RBFOX1: variants seen among roughly 807,000 people sequenced by gnomAD.
RBFOX1 encodes the protein RNA binding protein fox-1 homolog 1.
RBFOX1 carries 8 observed loss-of-function variants against 57.7 expected under a neutral mutation model. The observed-to-expected ratio is 0.14, with a 90% confidence interval of 0.08 to 0.25. The LOEUF (loss-of-function observed/expected upper bound fraction) is 0.25. Among genes scored for constraint, RBFOX1 ranks in the 10% least tolerant of loss-of-function variants. RBFOX1 has a pLI of 1.00. For missense variants in RBFOX1, 611 were observed against 548.5 expected (o/e 1.11, Z -1.14); for synonymous variants, 326 against 222.4 (o/e 1.47, Z -4.15).
chr16:6,858,675 C>G (rs1012765190), intron 3 of RBFOX1, among the ~76,000 whole-genome samples: 7 of 152,034 alleles, frequency 4.6e-5, no homozygotes, highest in African/African-American at 1.2e-4. Context: ...AAAATAGAAA[C>G]AATAATTTTA....
intron 2 of RBFOX1, among the ~76,000 whole-genome samples, chr16:5,570,527 C>G (rs1473386500): frequency 6.6e-6 from 1 of 152,112 alleles, no homozygotes; most frequent in Non-Finnish European, 1.5e-5. Context: ...CTCTGATGCA[C>G]AAACGAATCT....
chr16:6,272,609 C>T, intron 1 of RBFOX1, among the ~76,000 whole-genome samples: 1 of 152,100 alleles, frequency 6.6e-6, no homozygotes. Context: ...AATGAAAGTG[C>T]CATGAAATTT....
At chr16:7,095,745 G>C (rs2061583565) in intron 4 of RBFOX1, among the ~76,000 whole-genome samples, 1 of 152,144 alleles carries the variant, frequency 6.6e-6, no homozygotes, top group Admixed American at 6.5e-5. Flanking sequence ...ATATGGAGCT[G>C]GGCATGGTGG....
intron 1 of RBFOX1, among the ~76,000 whole-genome samples, chr16:6,098,466 C>G (rs955655046): frequency 1.3e-5 from 2 of 152,188 alleles, no homozygotes; most frequent in African/African-American, 4.8e-5. Flanking sequence ...CCTCGGGAGG[C>G]CCAGGTTCAA....
intron 5 of RBFOX1, among the ~76,000 whole-genome samples, chr16:7,537,465 C>T (rs1567720504): frequency 6.6e-6 from 1 of 152,184 alleles, no homozygotes; most frequent in South Asian, 2.1e-4. Context: ...GAGGTCATAG[C>T]TGAACAAGTC....
intron 4 of RBFOX1, among the ~76,000 whole-genome samples, chr16:7,210,444 G>C (rs565359911): frequency 6.6e-6 from 1 of 151,960 alleles, no homozygotes; most frequent in Non-Finnish European, 1.5e-5. Flanking sequence ...CACTCACCAA[G>C]ATTTCTTAAG....
intron 2 of RBFOX1, among the ~76,000 whole-genome samples, chr16:5,539,903 T>A (rs2044862341): frequency 6.6e-6 from 1 of 152,220 alleles, no homozygotes; most frequent in South Asian, 2.1e-4. Flanking sequence ...ATTTAAGAGG[T>A]AAACAAGTAT....
intron 2 of RBFOX1, among the ~76,000 whole-genome samples, chr16:6,599,314 G>T (rs1291238678): frequency 1.3e-5 from 2 of 152,280 alleles, no homozygotes; most frequent in East Asian, 3.9e-4. Context: ...TAAATTTGCA[G>T]TCAGCCAGGG....
At chr16:7,300,820 T>C (rs1424413883) in intron 4 of RBFOX1, among the ~76,000 whole-genome samples, 1 of 152,240 alleles carries the variant, frequency 6.6e-6, no homozygotes, top group African/African-American at 2.4e-5. Flanking sequence ...CATTTGAAGA[T>C]GACATTATTG....
At chr16:5,689,043 A>G (rs1423396963) in intron 3 of RBFOX1, among the ~76,000 whole-genome samples, 3 of 152,224 alleles carry the variant, frequency 2.0e-5, no homozygotes, top group African/African-American at 7.2e-5. Context: ...TTATTTTGAC[A>G]TCTTGTGTCA....
chr16:5,576,606 TAGG>T (rs570415554), intron 2 of RBFOX1, among the ~76,000 whole-genome samples: 98 of 152,364 alleles, frequency 6.4e-4, no homozygotes, highest in African/African-American at 2.3e-3. Context: ...TAACGGGAAC[TAGG>T]AGAAGTGCCA....
At chr16:5,712,153 C>T (rs1476205322) in intron 3 of RBFOX1, among the ~76,000 whole-genome samples, 1 of 152,174 alleles carries the variant, frequency 6.6e-6, no homozygotes, top group African/African-American at 2.4e-5. Flanking sequence ...ATGAGAGCAG[C>T]ATAGGCGAAA....
intron 1 of RBFOX1, among the ~76,000 whole-genome samples, chr16:6,311,855 G>A (rs2080355677): frequency 6.6e-6 from 1 of 152,064 alleles, no homozygotes; most frequent in Admixed American, 6.6e-5. Flanking sequence ...AGGTGTGATG[G>A]GCACTAACCT....
chr16:6,923,005 C>A (rs1170489646), intron 3 of RBFOX1, among the ~76,000 whole-genome samples: 2 of 152,166 alleles, frequency 1.3e-5, no homozygotes, highest in Admixed American at 1.3e-4. Flanking sequence ...ACTTATAAAT[C>A]TATAGGCAGT....
chr16:7,394,769 C>T (rs1436978301), intron 4 of RBFOX1, among the ~76,000 whole-genome samples: 1 of 152,154 alleles, frequency 6.6e-6, no homozygotes, highest in Non-Finnish European at 1.5e-5. Flanking sequence ...CCAGGCAAGT[C>T]ACTCTTTTTT....
intron 2 of RBFOX1, among the ~76,000 whole-genome samples, chr16:6,344,470 G>A (rs1417766907): frequency 9.5e-5 from 12 of 126,048 alleles, no homozygotes; most frequent in Admixed American, 3.7e-4. Flanking sequence ...CAATCTCAGC[G>A]CACTGCATGC....
intron 3 of RBFOX1, among the ~76,000 whole-genome samples, chr16:6,834,231 G>T (rs534826093): frequency 6.6e-6 from 1 of 151,768 alleles, no homozygotes; most frequent in South Asian, 2.1e-4. Context: ...CCGCTAGCAC[G>T]CCCCATTAGT....
intron 4 of RBFOX1, among the ~76,000 whole-genome samples, chr16:7,376,983 C>G (rs1038639991): frequency 1.3e-5 from 2 of 152,090 alleles, no homozygotes; most frequent in African/African-American, 4.8e-5. Context: ...CCCTAAGTGT[C>G]AGGTGGTTGC....
intron 2 of RBFOX1, among the ~76,000 whole-genome samples, chr16:6,444,677 A>G (rs2094450485): frequency 6.6e-6 from 1 of 152,108 alleles, no homozygotes; most frequent in Non-Finnish European, 1.5e-5. Flanking sequence ...CAGCAGGGTT[A>G]AAATGGACTA....
Sources: gnomAD v4.1 joint callset for allele counts (sites outside exome capture counted in the v4.1 genomes callset) on GRCh38, gnomAD v4.1.1 for gene constraint, MANE v1.5 for transcripts, NCBI Gene and HGNC (gene_info 2026-07-23, HGNC 2026-07-21) for gene names.